The following RIC1 variants were observed in gnomAD, a reference collection of about 807,000 sequenced individuals.
RIC1 encodes guanine nucleotide exchange factor subunit RIC1.
RIC1 carries 88 observed loss-of-function variants against 169.0 expected under a neutral mutation model. That is an observed-to-expected ratio of 0.52 (90% CI 0.44 to 0.62). RIC1 has a LOEUF of 0.62. RIC1 is among the 20% of genes least tolerant of loss of function. RIC1 has a pLI of 0.00. For missense variants in RIC1, 1,877 were observed against 1,725.5 expected, an observed-to-expected ratio of 1.09 and a Z score of -1.56; for synonymous variants, 790 against 601.5, an observed-to-expected ratio of 1.31 and a Z score of -4.59.
chr9:5,682,582 G>A (rs1041356603), intron 2 of RIC1, among the ~76,000 whole-genome samples: 1 of 152,120 alleles, frequency 6.6e-6, no homozygotes. Flanking sequence ...CTCTGTGGCT[G>A]CCCTTAACAT....
intron 7 of RIC1, 130 bp from the exon 8 acceptor site, chr9:5,738,320 C>G (rs1824855849): frequency 3.1e-6 from 2 of 638,466 alleles, no homozygotes; most frequent in Non-Finnish European, 5.4e-6. Flanking sequence ...TATGAGATGA[C>G]TGCAACTTAT....
intron 1 of RIC1, among the ~76,000 whole-genome samples, chr9:5,649,532 C>CT (rs1194285795): frequency 1.3e-5 from 2 of 151,926 alleles, no homozygotes; most frequent in East Asian, 3.9e-4. Flanking sequence ...TGTTTGGTTC[C>CT]TTTTTTATGA....
In RIC1 at chr9:5,773,028, C is replaced by A; in HGVS notation, c.3931C>A (p.Gln1311Lys). 6.2e-7 allele frequency: 1 copy of A among 1,613,642 alleles called. No homozygotes were observed. Among genetic ancestry groups the A allele is most frequent in the Non-Finnish European group, 8.5e-7 (1 of 1,179,762 alleles). Residue 1311 changes from glutamine (Q) to lysine (K), a missense_variant, in exon 25 of 26, where the codon CAG (glutamine) becomes AAG (lysine). This residue lies in a region of RIC1 where 681 missense variants were observed against 582.0 expected (regional missense o/e 1.17). Transcript: ENST00000414202. ...TTCAGAGGTAGATGGAGAGATGTTACAGAACATAAAGACAGGGCTCCATGC... is the reference window on the plus strand; with the variant it reads ...TTCAGAGGTAGATGGAGAGATGTTAAAGAACATAAAGACAGGGCTCCATGC... ...QSSEVDGEML[Q>K]NIKTGLHAVD...
intron 1 of RIC1, among the ~76,000 whole-genome samples, chr9:5,640,465 T>G (rs958473180): frequency 2.0e-5 from 3 of 152,236 alleles, no homozygotes; most frequent in African/African-American, 4.8e-5. Context: ...TATGTCTTAC[T>G]GTACTATGTC....
At chr9:5,757,191 G>T in intron 16 of RIC1, 122 bp from the exon 17 acceptor site, 1 of 1,121,594 alleles carries the variant, frequency 8.9e-7, no homozygotes. Flanking sequence ...GGGAGAAGAT[G>T]ATAGGTAGTA....
chr9:5,636,350 G>A (rs560871911), intron 1 of RIC1, among the ~76,000 whole-genome samples: 51 of 151,870 alleles, frequency 3.4e-4, no homozygotes, highest in African/African-American at 1.0e-3. Flanking sequence ...ACAAAGTCTC[G>A]CTCTTGTCAC....
intron 4 of RIC1, among the ~76,000 whole-genome samples, chr9:5,716,284 G>C (rs1823237394): frequency 6.6e-6 from 1 of 152,078 alleles, no homozygotes; most frequent in African/African-American, 2.4e-5. Flanking sequence ...ATTTTTAAAT[G>C]TACTCATTAA....
At chr9:5,671,352 G>T (rs1159677047) in intron 2 of RIC1, among the ~76,000 whole-genome samples, 1 of 150,244 alleles carries the variant, frequency 6.7e-6, no homozygotes, top group African/African-American at 2.5e-5. Flanking sequence ...TCTGCTCACT[G>T]CAACCTCCGC....
In RIC1 at chr9:5,701,183, A is replaced by G. The variant is rs904185973; in HGVS notation, c.332+11145A>G. On this transcript the variant is annotated intron_variant, in intron 3 of 25. Coordinates refer to ENST00000414202, the MANE Select transcript of RIC1 (RefSeq NM_020829.4). ...GCTCTTCTGTTTGAGACCTATAGAA[A>G]AGCTCTGAATGTTTTTTTTCTTTCA... Among the ~76,000 whole-genome samples, 3 of 152,146 alleles carry G rather than the reference A, an allele frequency of 2.0e-5. No individual in the cohort carries two copies. In the South Asian group the frequency reaches 6.2e-4, roughly 32 times the overall value.
chr9:5,676,165 C>T (rs1380180350), intron 2 of RIC1, among the ~76,000 whole-genome samples: 1 of 152,156 alleles, frequency 6.6e-6, no homozygotes, highest in Non-Finnish European at 1.5e-5. Context: ...GATACGCCCA[C>T]CTCAGACTCC....
In RIC1 at chr9:5,757,421, G is replaced by C. The variant is rs1364806104; in HGVS notation, c.1962G>C (p.Glu654Asp). Reference sequence around the variant, plus strand: ...TCACTCTGACATCAGTGAGTACAGAGAATGGAATCACCTTGAAAATGCCAC... The same window carrying C: ...TCACTCTGACATCAGTGAGTACAGACAATGGAATCACCTTGAAAATGCCAC... ...VSVTLTSVST[E>D]NGITLKMPQQ... is the part of the protein sequence containing the mutation. Residue 654 changes from glutamate (E) to aspartate (D), a missense_variant, in exon 17 of 26, where the codon GAG becomes GAC. Glu to Asp is a conservative substitution (Grantham distance 45). Coordinates refer to ENST00000414202, the MANE Select transcript of RIC1 (RefSeq NM_020829.4). The C allele has an allele frequency of 1.2e-6, 2 of 1,614,004 alleles. No individual in the cohort carries two copies. Among genetic ancestry groups the C allele is most frequent in the Admixed American group, 1.7e-5 (1 of 60,010 alleles).
chr9:5,672,743 T>G lies in RIC1; in HGVS notation c.252+16053T>G, dbSNP rs184410459. ...ATACATTTGATTGCGGGTGGGGCTA[T>G]GTGGAAAAAGTTTAATGAAAAAACG... On this transcript the variant is annotated intron_variant, in intron 2 of 25. Transcript: ENST00000414202. Among the ~76,000 whole-genome samples the G allele has an allele frequency of 2.6e-5, 4 of 152,266 alleles. No individual in the cohort carries two copies. In the East Asian group the frequency reaches 7.7e-4, roughly 29 times the overall value.
At chr9:5,694,470 A>G (rs921805432) in intron 3 of RIC1, among the ~76,000 whole-genome samples, 11 of 152,208 alleles carry the variant, frequency 7.2e-5, no homozygotes, top group African/African-American at 2.7e-4. Flanking sequence ...CTCTGAAAAC[A>G]TCCCGTGTCT....
At chr9:5,663,990 G>A (rs1819606673) in intron 2 of RIC1, among the ~76,000 whole-genome samples, 1 of 152,190 alleles carries the variant, frequency 6.6e-6, no homozygotes, top group African/African-American at 2.4e-5. Flanking sequence ...CTCTTGCAAA[G>A]CAGGTCTGAT....
intron 2 of RIC1, among the ~76,000 whole-genome samples, chr9:5,674,938 T>C (rs1820353485): frequency 6.6e-6 from 1 of 152,234 alleles, no homozygotes; most frequent in South Asian, 2.1e-4. Context: ...GGTTTACAAC[T>C]ATGTTCTAAA....
rs376861297 is a variant in RIC1, at chr9:5,753,123, C to T, written c.1453-77C>T. ...AAACATTGTTCGGCAAGATGAATCT[C>T]ATAGTGTGATAACTTAATGCTTTAA... On this transcript the variant is annotated intron_variant, in intron 12 of 25. Coordinates refer to ENST00000414202, the MANE Select transcript of RIC1 (RefSeq NM_020829.4). 4,221 of 1,290,624 alleles carry T rather than the reference C, an allele frequency of 3.3e-3. 15 individuals carry two copies. Among genetic ancestry groups the T allele is most frequent in the Non-Finnish European group, 4.2e-3 (3,694 of 887,708 alleles). The allele number at this position is 1,290,624 out of a possible 1,614,324, so 79.9% of individuals were successfully genotyped here.
chr9:5,645,529 C>T (rs1237052073), intron 1 of RIC1, among the ~76,000 whole-genome samples: 2 of 152,212 alleles, frequency 1.3e-5, no homozygotes, highest in Admixed American at 6.5e-5. Flanking sequence ...ACTGAAGCTT[C>T]GTACCCTGTA....
chr9:5,649,708 T>C (rs955441192), intron 1 of RIC1, among the ~76,000 whole-genome samples: 2 of 151,144 alleles, frequency 1.3e-5, no homozygotes, highest in African/African-American at 4.9e-5. Context: ...TGGGGAATTA[T>C]TGTGTTCCTT....
intron 14 of RIC1, among the ~76,000 whole-genome samples, chr9:5,754,059 T>C (rs1261397927): frequency 6.6e-6 from 1 of 152,206 alleles, no homozygotes; most frequent in Admixed American, 6.5e-5. Context: ...CATATACGCA[T>C]GCAGTTGGAA....
Sources: allele counts gnomAD v4.1 joint callset (sites outside exome capture counted in the v4.1 genomes callset), GRCh38; gene constraint gnomAD v4.1.1; regional missense constraint gnomAD v4.1.1; transcripts MANE v1.5; gene names NCBI Gene and HGNC (gene_info 2026-07-23, HGNC 2026-07-21).